WHRN: variants seen among roughly 807,000 people sequenced by gnomAD.
The protein encoded by WHRN is CASK-interacting protein CIP98.
Under a neutral mutation model 68.3 loss-of-function variants are expected in WHRN, and 41 were observed. The ratio of observed to expected loss-of-function variants is 0.60; its 90% CI spans 0.47 to 0.78. WHRN has a LOEUF of 0.78. Among genes scored for constraint, WHRN ranks in the 30% least tolerant of loss-of-function variants. The pLI is 0.00. For missense variants in WHRN, 1,243 were observed against 1,244.7 expected (o/e 1.00, Z 0.02); for synonymous variants, 560 against 561.3 (o/e 1.00, Z 0.03).
intron 1 of WHRN, among the ~76,000 whole-genome samples, chr9:114,481,777 G>A (rs972373919): frequency 3.9e-5 from 6 of 152,234 alleles, no homozygotes; most frequent in Non-Finnish European, 7.3e-5. Context: ...AGGAGACAAA[G>A]TGGGTCTATC....
chr9:114,468,761 A>T (rs1053826697), intron 2 of WHRN, among the ~76,000 whole-genome samples: 12 of 152,116 alleles, frequency 7.9e-5, no homozygotes, highest in African/African-American at 2.7e-4. Flanking sequence ...GATGTTCTGG[A>T]AACAGCAGGC....
chr9:114,464,871 TCTG>T (rs1840548263), intron 3 of WHRN, among the ~76,000 whole-genome samples: 4 of 150,634 alleles, frequency 2.7e-5, no homozygotes, highest in African/African-American at 9.9e-5. Flanking sequence ...GATGATGTCG[TCTG>T]TCTGTCCCTT....
intron 3 of WHRN, among the ~76,000 whole-genome samples, chr9:114,431,177 C>T (rs960269816): frequency 6.6e-5 from 10 of 152,120 alleles, no homozygotes; most frequent in Admixed American, 1.3e-4. Context: ...GCCAGGCAAC[C>T]GTGACATAGT....
At chr9:114,462,369 GAA>G (rs1321494193) in intron 3 of WHRN, among the ~76,000 whole-genome samples, 1 of 152,132 alleles carries the variant, frequency 6.6e-6, no homozygotes, top group Non-Finnish European at 1.5e-5. Flanking sequence ...TTCAGGCCAG[GAA>G]ACTGTACAGA....
chr9:114,449,137 G>T (rs947098874), intron 3 of WHRN, among the ~76,000 whole-genome samples: 1 of 152,172 alleles, frequency 6.6e-6, no homozygotes, highest in African/African-American at 2.4e-5. Flanking sequence ...AGAGGGGACC[G>T]TGCTGACCTC....
chr9:114,465,440 T>A (rs1352496063), intron 3 of WHRN, among the ~76,000 whole-genome samples: 1 of 152,068 alleles, frequency 6.6e-6, no homozygotes, highest in Non-Finnish European at 1.5e-5. Context: ...CCTTTACCCA[T>A]CCCTCTCTCT....
chr9:114,496,579 AC>A (rs1182397036), intron 1 of WHRN, among the ~76,000 whole-genome samples: 2 of 152,222 alleles, frequency 1.3e-5, no homozygotes, highest in Non-Finnish European at 2.9e-5. Flanking sequence ...ATAACAGAAG[AC>A]TTTCAAAGAC....
chr9:114,433,273 G>T (rs377231121), intron 3 of WHRN, among the ~76,000 whole-genome samples: 4 of 152,188 alleles, frequency 2.6e-5, no homozygotes, highest in African/African-American at 7.2e-5. Flanking sequence ...CAGTAGCTTC[G>T]AGCTCCCTCG....
chr9:114,490,067 G>T (rs1217377076), intron 1 of WHRN, among the ~76,000 whole-genome samples: 1 of 152,192 alleles, frequency 6.6e-6, no homozygotes, highest in Non-Finnish European at 1.5e-5. Flanking sequence ...GCTCATCAGG[G>T]AGCCAGGACC....
intron 7 of WHRN, among the ~76,000 whole-genome samples, chr9:114,412,338 C>T (rs757976707): frequency 3.3e-5 from 5 of 152,194 alleles, no homozygotes; most frequent in Non-Finnish European, 7.3e-5. Context: ...GGCCTGTTCA[C>T]TTTCACCACC....
chr9:114,449,642 T>C (rs1234963443), intron 3 of WHRN, among the ~76,000 whole-genome samples: 1 of 152,098 alleles, frequency 6.6e-6, no homozygotes, highest in African/African-American at 2.4e-5. Context: ...GTGGCACAGC[T>C]GGGGGCGGGT....
chr9:114,419,810 G>A (rs578188837), intron 7 of WHRN, among the ~76,000 whole-genome samples: 202 of 152,314 alleles, frequency 1.3e-3, no homozygotes, highest in African/African-American at 4.5e-3. Context: ...CACTTCCTGA[G>A]GTCTCACAGC....
rs1471190375 is a variant in WHRN, at chr9:114,486,951, GTGTGTGTGTATA to G, written c.619-8192_619-8181del. On this transcript the variant is annotated intron_variant, in intron 1 of 11. Transcript: ENST00000362057. ...GAGTGTGTGTGTGTGTTGTGTGTGT[GTGTGTGTGTATA>G]TATATATATATATATATATATATAT... Among the ~76,000 whole-genome samples, 9 of 90,292 alleles carry G rather than the reference GTGTGTGTGTATA, an allele frequency of 1.0e-4. 1 individual carries two copies. Among genetic ancestry groups the G allele is most frequent in the African/African-American group, 4.6e-4 (9 of 19,492 alleles). The allele number at this position is 90,292 out of a possible 152,430, so 59.2% of individuals were successfully genotyped here. A position where few individuals can be genotyped will look rare whatever the true frequency, so the allele number is the denominator to read the frequency against.
intron 3 of WHRN, among the ~76,000 whole-genome samples, chr9:114,459,886 G>A (rs746237329): frequency 9.2e-5 from 14 of 152,156 alleles, no homozygotes; most frequent in Non-Finnish European, 1.8e-4. Context: ...TGTCCCCTCC[G>A]AATCTCATGT....
rs202161016 is a variant in WHRN, at chr9:114,406,592, C to T, written c.1999G>A (p.Ala667Thr). The T allele has an allele frequency of 7.6e-5, 122 of 1,610,284 alleles. 1 individual carries two copies. The highest frequency in any genetic ancestry group is 5.1e-4 in the East Asian group (23 of 44,802). The change falls in exon 9 of 12, where the codon GCC becomes ACC. Residue 667 changes from alanine to threonine, a missense_variant. Physicochemically the swap from Ala to Thr is moderately conservative, Grantham distance 58 (BLOSUM62 0). Transcript: ENST00000362057. ...TGTTGGTTGACCAGGGCCAGATGGG[C>T]GTCCAGCGGCCTCTTGGAGCTGGGG... ...ANPSSKRPLD[A>T]HLALVNQHPI...
At chr9:114,438,029 A>T (rs1838015529) in intron 3 of WHRN, among the ~76,000 whole-genome samples, 1 of 152,200 alleles carries the variant, frequency 6.6e-6, no homozygotes, top group Non-Finnish European at 1.5e-5. Flanking sequence ...CATAATAAGA[A>T]AATTGCCCAG....
chr9:114,493,839 A>T (rs1300211302), intron 1 of WHRN, among the ~76,000 whole-genome samples: 1 of 152,234 alleles, frequency 6.6e-6, no homozygotes, highest in Non-Finnish European at 1.5e-5. Context: ...TTTCTCATCA[A>T]ATAGCTACAA....
intron 1 of WHRN, among the ~76,000 whole-genome samples, chr9:114,484,149 C>G (rs1274125380): frequency 1.3e-5 from 2 of 152,180 alleles, no homozygotes; most frequent in Non-Finnish European, 2.9e-5. Flanking sequence ...GATACGCACC[C>G]CAACTCGGCA....
Position 114,425,470 on chromosome 9 carries a change from A to G in WHRN, c.1167-446T>C, listed in dbSNP as rs543046315. On this transcript the variant is annotated intron_variant, in intron 4 of 11. Transcript: ENST00000362057. ...AGGCTGCCAGACTTCCTGATTTTTA[A>G]GAAGCATCCAGAAATCCAGTTTTTT... 54 of 421,764 alleles carry G rather than the reference A, an allele frequency of 1.3e-4. 1 individual carries two copies. The South Asian group carries it at 2.4e-3, about 19-fold the overall frequency. 26.1% of individuals were successfully genotyped at this position (421,764 alleles called of 1,614,324 possible).
Sources: gnomAD v4.1 joint callset for allele counts (sites outside exome capture counted in the v4.1 genomes callset) on GRCh38, gnomAD v4.1.1 for gene constraint, MANE v1.5 for transcripts, NCBI Gene and HGNC (gene_info 2026-07-23, HGNC 2026-07-21) for gene names.